DYNC2H1: variants seen among roughly 807,000 people sequenced by gnomAD.
DYNC2H1 encodes the protein cytoplasmic dynein 2 heavy chain 1.
In DYNC2H1, 410 loss-of-function variants were observed where a neutral mutation model predicts 570.0. The observed-to-expected ratio is 0.72, with a 90% CI of 0.66 to 0.78. DYNC2H1 has a LOEUF of 0.78. Among genes scored for constraint, DYNC2H1 ranks in the 30% least tolerant of loss-of-function variants. The pLI is 0.00. For synonymous variants in DYNC2H1, 1,688 were observed against 1,677.6 expected (o/e 1.01, Z -0.15); for missense variants, 4,865 against 5,046.4 (o/e 0.96, Z 1.09).
chr11:103,292,390 C>T (rs1231005263), intron 75 of DYNC2H1, among the ~76,000 whole-genome samples: 1 of 152,174 alleles, frequency 6.6e-6, no homozygotes, highest in African/African-American at 2.4e-5. Context: ...AAAATTTACA[C>T]TTAAACTCAA....
intron 84 of DYNC2H1, among the ~76,000 whole-genome samples, chr11:103,408,727 TTA>T (rs1942967891): frequency 6.6e-6 from 1 of 151,996 alleles, no homozygotes; most frequent in South Asian, 2.1e-4. Flanking sequence ...TAGAATAGGA[TTA>T]CACTGTTATC....
rs1297289403 is a variant in DYNC2H1, at chr11:103,146,233, C to G, written c.2703-1539C>G. ...TGTAATTAAAACATATAATTTGCCT[C>G]TTAAGGATCTCACCTGGCTCTATGC... On this transcript the variant is annotated intron_variant, in intron 18 of 88. Transcript: ENST00000375735. Among the ~76,000 whole-genome samples the G allele has an allele frequency of 2.0e-5, 3 of 152,170 alleles. No homozygotes were observed. The East Asian group carries it at 5.8e-4, about 29-fold the overall frequency.
chr11:103,119,115 C>G (rs953689995), intron 6 of DYNC2H1, among the ~76,000 whole-genome samples: 1 of 152,084 alleles, frequency 6.6e-6, no homozygotes, highest in Non-Finnish European at 1.5e-5. Context: ...CTTTTTATCA[C>G]TTTAGAACAA....
chr11:103,451,865 A>G (rs1743029146), intron 85 of DYNC2H1, among the ~76,000 whole-genome samples: 1 of 152,136 alleles, frequency 6.6e-6, no homozygotes, highest in Non-Finnish European at 1.5e-5. Context: ...TGTTAATGTT[A>G]TTAACTCATT....
intron 84 of DYNC2H1, among the ~76,000 whole-genome samples, chr11:103,429,031 C>A (rs985127475): frequency 1.6e-5 from 2 of 126,730 alleles, no homozygotes; most frequent in African/African-American, 6.6e-5. Context: ...GAGGCCAAGG[C>A]GGGCAGATCA....
At chr11:103,156,324 C>T in intron 25 of DYNC2H1, 64 bp from the exon 26 acceptor site, 3 of 1,383,592 alleles carry the variant, frequency 2.2e-6, no homozygotes, top group South Asian at 1.4e-5. Context: ...AAATACTTTT[C>T]TATTAATTAC....
chr11:103,192,793 A>G (rs1211728300), intron 47 of DYNC2H1, among the ~76,000 whole-genome samples: 1 of 152,164 alleles, frequency 6.6e-6, no homozygotes, highest in African/African-American at 2.4e-5. Flanking sequence ...TTTGAAAACT[A>G]TCGTGGGAGT....
chr11:103,215,158 G>A (rs555109237), intron 54 of DYNC2H1, among the ~76,000 whole-genome samples: 12 of 152,168 alleles, frequency 7.9e-5, no homozygotes, highest in East Asian at 1.9e-4. Flanking sequence ...TCTCTTGCCC[G>A]ATTGATGTGG....
intron 9 of DYNC2H1, 45 bp from the exon 10 acceptor site, chr11:103,121,327 C>A (rs1461003529): frequency 1.3e-6 from 2 of 1,536,668 alleles, no homozygotes; most frequent in Non-Finnish European, 1.8e-6. Flanking sequence ...TTTAGGAAAT[C>A]TTTGCTAATT....
At chr11:103,342,625 C>T (rs1939520958) in intron 82 of DYNC2H1, among the ~76,000 whole-genome samples, 1 of 152,070 alleles carries the variant, frequency 6.6e-6, no homozygotes, top group Non-Finnish European at 1.5e-5. Flanking sequence ...GCCTCAGCCT[C>T]CTGAGTAGCT....
In DYNC2H1 at chr11:103,117,852, C is replaced by T. The variant is rs397514637; in HGVS notation, c.988C>T (p.Arg330Cys). The part of the protein sequence containing the change: ...FPETLDKLGK[R>C]LEEVLAIRTI... ...AGAAACACTTGACAAACTTGGCAAA[C>T]GCCTTGAAGAGGTATCAATTTGATT... is the stretch of plus-strand genomic sequence containing the variant. Residue 330 changes from arginine to cysteine, a missense_variant, in exon 6 of 89, where the codon CGC becomes TGC. This residue lies in a region of DYNC2H1 where 1,936 missense variants were observed against 1,962.1 expected (regional missense o/e 0.99). Coordinates refer to ENST00000375735, the MANE Select transcript of DYNC2H1 (RefSeq NM_001377.3). 1.8e-5 allele frequency: 29 copies of T among 1,610,370 alleles called. No individual in the cohort carries two copies. The highest frequency in any genetic ancestry group is 8.4e-5 in the Admixed American group (5 of 59,872).
chr11:103,149,325 A>G (rs1215617438), intron 20 of DYNC2H1, among the ~76,000 whole-genome samples: 2 of 152,212 alleles, frequency 1.3e-5, no homozygotes, highest in Non-Finnish European at 2.9e-5. Context: ...ACAAAGGAGA[A>G]TGGTAAAGAT....
In DYNC2H1 at chr11:103,199,209, A is replaced by T; in HGVS notation, c.7840-19A>T. The T allele has an allele frequency of 6.9e-7, 1 of 1,444,962 alleles. No individual in the cohort carries two copies. Among genetic ancestry groups the T allele is most frequent in the Non-Finnish European group, 9.4e-7 (1 of 1,068,990 alleles). 89.5% of individuals were successfully genotyped at this position (1,444,962 alleles called of 1,614,324 possible). A position where few individuals can be genotyped will look rare whatever the true frequency, so the allele number is the denominator to read the frequency against. On this transcript the variant is annotated intron_variant, in intron 48 of 88. Transcript: ENST00000375735. This position sits in a 1 kb window ranked among gnomAD's most constrained non-coding sequence, Gnocchi z 4.6. ...TTAGGGCTTATATTAATTATAAAAT[A>T]TTCTGATTTTTTTAAAAGGGTCTTA...
chr11:103,421,359 G>C (rs1039876141), intron 84 of DYNC2H1, among the ~76,000 whole-genome samples: 1 of 152,044 alleles, frequency 6.6e-6, no homozygotes, highest in African/African-American at 2.4e-5. Context: ...GGATGTGATA[G>C]ATATCTATAC....
chr11:103,236,609 T>C, intron 63 of DYNC2H1, 70 bp downstream of exon 63: 1 of 832,950 alleles, frequency 1.2e-6, no homozygotes, highest in Non-Finnish European at 1.9e-6. Flanking sequence ...AATTGTGTTC[T>C]TCGTATTCTT....
rs374053972 is a variant in DYNC2H1, at chr11:103,179,223, A to G, written c.6337A>G (p.Ile2113Val). 7.4e-6 allele frequency: 12 copies of G among 1,612,612 alleles called. No individual in the cohort carries two copies. In the African/African-American group the frequency reaches 1.3e-4, roughly 18 times the overall value. ...AGCCACAATATCTAGAATGGGAATG[A>G]TCTTTCTTAGGTAAGCCATAGATTA... ...SPATISRMGMIFLSDEETDLN... is the reference protein window; with the variant it reads ...SPATISRMGMVFLSDEETDLN... The change falls in exon 39 of 89, where the codon ATC becomes GTC. Residue 2113 changes from isoleucine (I) to valine (V), a missense_variant. Ile to Val is a conservative substitution (Grantham distance 29, BLOSUM62 3). Coordinates refer to ENST00000375735, the MANE Select transcript of DYNC2H1 (RefSeq NM_001377.3).
Position 103,153,480 on chromosome 11 carries a change from G to T in DYNC2H1, c.3274G>T (p.Asp1092Tyr). 1 of 1,561,602 alleles carries T rather than the reference G, an allele frequency of 6.4e-7. No homozygotes were observed. The highest frequency in any genetic ancestry group is 8.6e-7 in the Non-Finnish European group (1 of 1,156,578). The change falls in exon 22 of 89, where the codon GAT becomes TAT. Residue 1092 changes from aspartate (D) to tyrosine (Y), a missense_variant. Transcript: ENST00000375735. ...AAAAGAGAAAAAAATTGAGTTTGAT[G>T]ATCTTGAAGTCACAAGAAAAAAGCT... ...LIKEKKIEFDDLEVTRKKLVD... is the reference protein window; with the variant it reads ...LIKEKKIEFDYLEVTRKKLVD...
intron 70 of DYNC2H1, among the ~76,000 whole-genome samples, chr11:103,270,629 C>T (rs1865671933): frequency 6.6e-6 from 1 of 151,228 alleles, no homozygotes; most frequent in Admixed American, 6.6e-5. Flanking sequence ...CTCTACTCAC[C>T]CTTCTTGTGA....
At chr11:103,124,422 G>C (rs1258423266) in intron 11 of DYNC2H1, among the ~76,000 whole-genome samples, 1 of 147,042 alleles carries the variant, frequency 6.8e-6, no homozygotes, top group Non-Finnish European at 1.5e-5. Context: ...CTCCAGCCTG[G>C]GTGTTGGAGC....
Sources: allele counts gnomAD v4.1 joint callset (sites outside exome capture counted in the v4.1 genomes callset), GRCh38; gene constraint gnomAD v4.1.1; regional missense constraint gnomAD v4.1.1; non-coding constraint Gnocchi (gnomAD v3.1); transcripts MANE v1.5; gene names NCBI Gene and HGNC (gene_info 2026-07-23, HGNC 2026-07-21).